Variants in FBLIM1 observed in about 807,000 individuals in gnomAD.
FBLIM1 encodes the protein filamin binding LIM protein 1.
Under a neutral mutation model 37.4 loss-of-function variants are expected in FBLIM1, and 29 were observed. The ratio of observed to expected loss-of-function variants is 0.77; its 90% CI spans 0.58 to 1.06. The LOEUF is 1.06. FBLIM1 is among the 50% of genes least tolerant of loss of function. FBLIM1 has a pLI of 0.00. For missense variants in FBLIM1, 449 were observed against 505.6 expected (o/e 0.89, Z 1.07); for synonymous variants, 193 against 199.0 (o/e 0.97, Z 0.25).
chr1:15,770,558 C>T lies in FBLIM1; in HGVS notation c.691C>T (p.Leu231Phe). 6.2e-7 allele frequency: 1 copy of T among 1,613,974 alleles called. No homozygotes were observed. The highest frequency in any genetic ancestry group is 8.5e-7 in the Non-Finnish European group (1 of 1,180,024). ...QSFYQKDGRPLCEPCYQDTLE... is the reference protein window; with the variant it reads ...QSFYQKDGRPFCEPCYQDTLE... ...CTTCTACCAGAAGGATGGGCGACCC[C>T]TCTGCGAACCCTGCTACCAGGTAAC... The change falls in exon 6 of 9, where the codon CTC (leucine) becomes TTC (phenylalanine). Residue 231 changes from leucine (L) to phenylalanine (F), a missense_variant. Leu to Phe is a conservative substitution (Grantham distance 22). Coordinates refer to ENST00000375766, the MANE Select transcript of FBLIM1 (RefSeq NM_017556.4).
chr1:15,767,519 G>T lies in FBLIM1; in HGVS notation c.394G>T (p.Asp132Tyr). Residue 132 changes from aspartate to tyrosine, a missense_variant, in exon 4 of 9, where the codon GAC becomes TAC. Physicochemically the swap from Asp to Tyr is radical, Grantham distance 160. Transcript: ENST00000375766. ...PAPMGASLIA[D>Y]LEQLHLSPPP... ...TCCAATGGGGGCCTCACTCATTGCA[G>T]ACTTAGAGCAGCTGCACCTGTCCCC... 1 of 1,519,496 alleles carries T rather than the reference G, an allele frequency of 6.6e-7. No homozygotes were observed. The highest frequency in any genetic ancestry group is 8.8e-7 in the Non-Finnish European group (1 of 1,138,380). The allele number at this position is 1,519,496 out of a possible 1,614,324, so 94.1% of individuals were successfully genotyped here.
intron 6 of FBLIM1, among the ~76,000 whole-genome samples, 157 bp from the exon 7 acceptor site, chr1:15,774,461 A>G (rs768467687): frequency 6.6e-6 from 1 of 152,216 alleles, no homozygotes; most frequent in Non-Finnish European, 1.5e-5. Flanking sequence ...GTTATAAGCA[A>G]TGGTGGAGGT....
At chr1:15,770,139 G>T (rs886517867) in intron 5 of FBLIM1, among the ~76,000 whole-genome samples, 1 of 151,586 alleles carries the variant, frequency 6.6e-6, no homozygotes, top group South Asian at 2.1e-4. Context: ...TAGAGATGGG[G>T]TTTCACCATG....
intron 8 of FBLIM1, among the ~76,000 whole-genome samples, chr1:15,777,824 C>G (rs1231058015): frequency 6.6e-6 from 1 of 152,074 alleles, no homozygotes; most frequent in Non-Finnish European, 1.5e-5. Context: ...CCGCCCACTT[C>G]CACCTCCCAA....
rs7663 is a variant in FBLIM1 at position 15,786,300 on chromosome 1, A to G, written c.*1639A>G. On this transcript the variant is annotated 3_prime_UTR_variant, in exon 9 of 9. Coordinates refer to ENST00000375766, the MANE Select transcript of FBLIM1 (RefSeq NM_017556.4). ...CACGAGAATGCCACAGGGGCCGTGC[A>G]CTGGGCAGGCTTCTCTGTAGAACCC... 0.44 allele frequency: 67,628 copies of G among 152,006 alleles called. 15,458 individuals are homozygous for G. Among genetic ancestry groups the G allele is most frequent in the East Asian group, 0.73 (3,729 of 5,138 alleles). The allele number at this position is 152,006 out of a possible 1,614,324, so 9.4% of individuals were successfully genotyped here.
intron 7 of FBLIM1, among the ~76,000 whole-genome samples, chr1:15,776,768 A>G (rs567721715): frequency 1.3e-5 from 2 of 150,288 alleles, no homozygotes; most frequent in Admixed American, 6.7e-5. Context: ...AGGCTGAGGC[A>G]GGAGAATCAC....
chr1:15,763,074 T>A (rs1389505200), intron 1 of FBLIM1, among the ~76,000 whole-genome samples: 1 of 104,744 alleles, frequency 9.5e-6, no homozygotes, highest in Non-Finnish European at 2.1e-5. Context: ...ACTTTTTTTC[T>A]TTTTTTTTTT....
rs748223852 is a variant in FBLIM1 at position 15,767,362 on chromosome 1, C to T, written c.251-14C>T. The T allele has an allele frequency of 1.5e-5, 23 of 1,559,072 alleles. No homozygotes were observed. The highest frequency in any genetic ancestry group is 2.0e-5 in the Non-Finnish European group (23 of 1,155,950). ...GGGAGGCTCTGACCAGCCCTCTCTCCTCCCCCATTGCAGGATGCCCACCCC... is the reference window on the plus strand; with the variant it reads ...GGGAGGCTCTGACCAGCCCTCTCTCTTCCCCCATTGCAGGATGCCCACCCC... On this transcript the variant is annotated splice_polypyrimidine_tract_variant and intron_variant, in intron 3 of 8. Coordinates refer to ENST00000375766, the MANE Select transcript of FBLIM1 (RefSeq NM_017556.4).
At chr1:15,766,031 C>A (rs2068900389) in intron 3 of FBLIM1, among the ~76,000 whole-genome samples, 5 of 152,222 alleles carry the variant, frequency 3.3e-5, no homozygotes, top group Admixed American at 3.3e-4. Flanking sequence ...TGGGTCCATT[C>A]CAGCACAGCC....
At chr1:15,783,798 G>A (rs2069706461) in intron 8 of FBLIM1, among the ~76,000 whole-genome samples, 1 of 151,826 alleles carries the variant, frequency 6.6e-6, no homozygotes, top group African/African-American at 2.4e-5. Flanking sequence ...TAGCCAGGAT[G>A]GTCTCTATCT....
At chr1:15,766,002 C>T (rs189602652) in intron 3 of FBLIM1, among the ~76,000 whole-genome samples, 1 of 152,338 alleles carries the variant, frequency 6.6e-6, no homozygotes, top group Non-Finnish European at 1.5e-5. Flanking sequence ...ATCACCCGGG[C>T]CTGTACCAAC....
intron 3 of FBLIM1, among the ~76,000 whole-genome samples, chr1:15,766,037 C>T (rs368434869): frequency 1.3e-5 from 2 of 152,218 alleles, no homozygotes; most frequent in Admixed American, 6.5e-5. Flanking sequence ...CATTCCAGCA[C>T]AGCCGCAGGC....
At chr1:15,783,519 G>A (rs2069694631) in intron 8 of FBLIM1, among the ~76,000 whole-genome samples, 1 of 151,822 alleles carries the variant, frequency 6.6e-6, no homozygotes, top group South Asian at 2.1e-4. Context: ...GCCTGTGCTG[G>A]GATGGGGACT....
chr1:15,780,263 A>T (rs2069602635), intron 8 of FBLIM1, among the ~76,000 whole-genome samples: 1 of 151,798 alleles, frequency 6.6e-6, no homozygotes, highest in Non-Finnish European at 1.5e-5. Flanking sequence ...CAGTGGCGCT[A>T]TCTCGGCTCA....
In FBLIM1 at chr1:15,765,482, C is replaced by G. The variant is rs569405074; in HGVS notation, c.250+249C>G. On this transcript the variant is annotated intron_variant, in intron 3 of 8. Transcript: ENST00000375766. This position sits in a 1 kb window ranked among gnomAD's most constrained non-coding sequence, Gnocchi z 5.9. Reference sequence around the variant, plus strand: ...GAAGAGGATCTTGGGAGTGTGGGAACAAGATCAAACTTGCCTGGGAAGGGC... The same window carrying G: ...GAAGAGGATCTTGGGAGTGTGGGAAGAAGATCAAACTTGCCTGGGAAGGGC... Among the ~76,000 whole-genome samples the G allele has an allele frequency of 6.6e-6, 1 of 152,010 alleles. No individual in the cohort carries two copies. Among genetic ancestry groups the G allele is most frequent in the Non-Finnish European group, 1.5e-5 (1 of 67,994 alleles).
intron 8 of FBLIM1, among the ~76,000 whole-genome samples, chr1:15,781,003 G>T (rs2069620741): frequency 6.6e-6 from 1 of 152,070 alleles, no homozygotes; most frequent in Admixed American, 6.6e-5. Flanking sequence ...AACCCCCCCG[G>T]TAGTCCTTGA....
At chr1:15,782,276 T>A (rs2069663427) in intron 8 of FBLIM1, among the ~76,000 whole-genome samples, 1 of 151,696 alleles carries the variant, frequency 6.6e-6, no homozygotes. Context: ...GGCATGGTGG[T>A]ACCTGTCTGT....
rs56244044 is a variant in FBLIM1, at chr1:15,771,249, GTT to G, written c.711+685_711+686del. Among the ~76,000 whole-genome samples the G allele has an allele frequency of 1.5e-3, 205 of 133,600 alleles. 1 individual carries two copies. The highest frequency in any genetic ancestry group is 0.011 in the East Asian group (48 of 4,532). The allele number at this position is 133,600 out of a possible 152,430, so 87.6% of individuals were successfully genotyped here. A position where few individuals can be genotyped will look rare whatever the true frequency, so the allele number is the denominator to read the frequency against. On this transcript the variant is annotated intron_variant, in intron 6 of 8. Coordinates refer to ENST00000375766, the MANE Select transcript of FBLIM1 (RefSeq NM_017556.4). Reference sequence around the variant, plus strand: ...CACTGCGCCCAGCCTGTTTTTTTTTGTTTTTTTTTTTTTTTAAGATGGAGGCT... The same window carrying G: ...CACTGCGCCCAGCCTGTTTTTTTTTGTTTTTTTTTTTTTAAGATGGAGGCT...
chr1:15,769,430 T>C (rs2069092125), intron 5 of FBLIM1, among the ~76,000 whole-genome samples: 1 of 151,696 alleles, frequency 6.6e-6, no homozygotes, highest in African/African-American at 2.4e-5. Flanking sequence ...TGAGCTGAGA[T>C]TGCGCCACTG....
Sources: gnomAD v4.1 joint callset for allele counts (sites outside exome capture counted in the v4.1 genomes callset) on GRCh38, gnomAD v4.1.1 for gene constraint, Gnocchi (gnomAD v3.1) non-coding constraint, MANE v1.5 for transcripts, NCBI Gene and HGNC (gene_info 2026-07-23, HGNC 2026-07-21) for gene names.